The following USP14 variants were observed in gnomAD, a reference collection of about 807,000 sequenced individuals.
USP14 encodes the protein ubiquitin specific peptidase 14, also known as ubiquitin carboxyl-terminal hydrolase 14.
USP14 carries 38 observed loss-of-function variants against 76.5 expected under a neutral mutation model. That is an observed-to-expected ratio of 0.50 (90% CI 0.38 to 0.65). The LOEUF (loss-of-function observed/expected upper bound fraction) is 0.65, where lower values mean the gene tolerates loss of function less well. Among genes scored for constraint, USP14 ranks in the 30% least tolerant of loss-of-function variants. USP14 has a pLI of 0.00. For synonymous variants in USP14, 192 were observed against 191.7 expected (o/e 1.00, Z -0.01); for missense variants, 467 against 586.5 (o/e 0.80, Z 2.10).
intron 2 of USP14, among the ~76,000 whole-genome samples, 169 bp from the exon 3 acceptor site, chr18:166,618 C>T (rs1909279010): frequency 1.3e-5 from 2 of 152,042 alleles, no homozygotes; most frequent in East Asian, 3.9e-4. Context: ...CAGGCGTGAG[C>T]CACTGTGCCT....
At position 199,291 on chromosome 18, in the gene USP14, A is replaced by T; in HGVS notation, c.851A>T (p.Lys284Met). The change falls in exon 10 of 16, where the codon AAG (lysine) becomes ATG (methionine). Residue 284 changes from lysine (K) to methionine (M), a missense_variant. Coordinates refer to ENST00000261601, the MANE Select transcript of USP14 (RefSeq NM_005151.4). Reference sequence around the variant, plus strand: ...AGCTGTTTTATCAATCAGGAAGTCAAGTATCTTTTTACAGGACTTAAATTG... The same window carrying T: ...AGCTGTTTTATCAATCAGGAAGTCATGTATCTTTTTACAGGACTTAAATTG... Reference protein sequence around the residue: ...QLSCFINQEVKYLFTGLKLRL... With the variant: ...QLSCFINQEVMYLFTGLKLRL... 6.2e-7 allele frequency: 1 copy of T among 1,613,442 alleles called. No individual in the cohort carries two copies. The highest frequency in any genetic ancestry group is 8.5e-7 in the Non-Finnish European group (1 of 1,179,474).
intron 2 of USP14, among the ~76,000 whole-genome samples, chr18:164,477 C>T (rs959686804): frequency 6.6e-6 from 1 of 150,680 alleles, no homozygotes; most frequent in African/African-American, 2.4e-5. Flanking sequence ...TTTTTTGAGA[C>T]GAGTCTTGCC....
intron 2 of USP14, among the ~76,000 whole-genome samples, chr18:163,726 A>G (rs1238154160): frequency 6.6e-6 from 1 of 151,950 alleles, no homozygotes; most frequent in Non-Finnish European, 1.5e-5. Flanking sequence ...TGAGATACAT[A>G]TGCAGGTTTG....
chr18:173,229 T>A (rs1405355319), intron 3 of USP14, among the ~76,000 whole-genome samples: 1 of 150,158 alleles, frequency 6.7e-6, no homozygotes, highest in Non-Finnish European at 1.5e-5. Context: ...TGCCTCAGCC[T>A]CCCGAGTAGC....
At chr18:206,478 C>T (rs1303080116) in intron 13 of USP14, among the ~76,000 whole-genome samples, 2 of 152,120 alleles carry the variant, frequency 1.3e-5, no homozygotes, top group African/African-American at 2.4e-5. Flanking sequence ...ATATTTTCTC[C>T]TAGTCTGTAG....
intron 3 of USP14, among the ~76,000 whole-genome samples, chr18:170,290 C>T (rs745356186): frequency 1.7e-4 from 26 of 152,078 alleles, no homozygotes; most frequent in East Asian, 5.8e-4. Context: ...GCCAACAGAG[C>T]GAGACTCTGT....
At chr18:168,014 T>G (rs1464633305) in intron 3 of USP14, among the ~76,000 whole-genome samples, 2 of 149,342 alleles carry the variant, frequency 1.3e-5, no homozygotes, top group Non-Finnish European at 1.5e-5. Flanking sequence ...CTCGGCTCGC[T>G]GCAACCTCTG....
At chr18:206,623 G>T (rs1910535534) in intron 13 of USP14, among the ~76,000 whole-genome samples, 1 of 152,206 alleles carries the variant, frequency 6.6e-6, no homozygotes, top group South Asian at 2.1e-4. Context: ...TGCCGGGCTC[G>T]GCATGGTGGC....
rs115299702 is a variant in USP14 at position 189,106 on chromosome 18, T to G, written c.405-3736T>G. On this transcript the variant is annotated intron_variant, in intron 5 of 15. Coordinates refer to ENST00000261601, the MANE Select transcript of USP14 (RefSeq NM_005151.4). ...TTATTCTACTATTGGACCTGTATGG[T>G]TTTTTTTTTGTATTTTTATTTCTTA... Among the ~76,000 whole-genome samples, 718 of 149,164 alleles carry G rather than the reference T, an allele frequency of 4.8e-3. 2 individuals are homozygous for G. The highest frequency in any genetic ancestry group is 0.016 in the African/African-American group (671 of 40,788).
chr18:199,106 C>G, intron 9 of USP14, 96 bp from the exon 10 acceptor site: 1 of 719,082 alleles, frequency 1.4e-6, no homozygotes, highest in Non-Finnish European at 2.3e-6. Flanking sequence ...ATGAATGATA[C>G]TATTAATTTT....
rs1454502912 is a variant in USP14 at position 212,805 on chromosome 18, T to C, written c.*1521T>C. ...CATAGAATACCAGCCAGTTTGGCTC[T>C]GATTTTGAGTTATTTATAATAAAGT... On this transcript the variant is annotated 3_prime_UTR_variant, in exon 16 of 16. Transcript: ENST00000261601. The C allele has an allele frequency of 6.6e-6, 1 of 152,244 alleles. No homozygotes were observed. The highest frequency in any genetic ancestry group is 6.5e-5 in the Admixed American group (1 of 15,286). 9.4% of individuals were successfully genotyped at this position (152,244 alleles called of 1,614,324 possible).
chr18:191,277 G>C (rs1055599617), intron 5 of USP14, among the ~76,000 whole-genome samples: 2 of 152,080 alleles, frequency 1.3e-5, no homozygotes, highest in Non-Finnish European at 2.9e-5. Flanking sequence ...AAGAAAATTC[G>C]TTGAGTCACA....
chr18:199,455 C>CA, intron 10 of USP14, 139 bp downstream of exon 10: 1 of 587,368 alleles, frequency 1.7e-6, no homozygotes, highest in Non-Finnish European at 3.0e-6. Flanking sequence ...CCGATACACA[C>CA]AGTCCCATCT....
Position 210,006 on chromosome 18 carries a change from G to T in USP14, c.1200G>T (p.Lys400Asn). ...AGAGTAGTCCCCAGAAAGAAGTTAA[G>T]TATGAACCCTTTTCTTTTGCTGATG... Reference protein sequence around the residue: ...DKKSSPQKEVKYEPFSFADDI... With the variant: ...DKKSSPQKEVNYEPFSFADDI... Residue 400 changes from lysine to asparagine, a missense_variant, in exon 14 of 16, where the codon AAG (lysine) becomes AAT (asparagine). Lys to Asn is a moderately conservative substitution (Grantham distance 94). Coordinates refer to ENST00000261601, the MANE Select transcript of USP14 (RefSeq NM_005151.4). 2 of 1,607,022 alleles carry T rather than the reference G, an allele frequency of 1.2e-6. No individual in the cohort carries two copies. The highest frequency in any genetic ancestry group is 1.7e-6 in the Non-Finnish European group (2 of 1,177,508).
chr18:189,933 A>T (rs1429769024), intron 5 of USP14, among the ~76,000 whole-genome samples: 1 of 152,200 alleles, frequency 6.6e-6, no homozygotes, highest in African/African-American at 2.4e-5. Flanking sequence ...GATCTTAATC[A>T]CTAACACCGT....
chr18:173,161 T>G (rs1157376414), intron 3 of USP14, among the ~76,000 whole-genome samples: 3 of 151,362 alleles, frequency 2.0e-5, no homozygotes, highest in Non-Finnish European at 4.4e-5. Flanking sequence ...CAGGCTGGAG[T>G]GCAGTGGCAC....
chr18:185,632 T>C (rs1005677673), intron 5 of USP14, among the ~76,000 whole-genome samples: 4 of 152,148 alleles, frequency 2.6e-5, no homozygotes, highest in African/African-American at 9.7e-5. Flanking sequence ...CTTACACTAC[T>C]TAAATTATTT....
chr18:166,174 A>C (rs1598262674), intron 2 of USP14, among the ~76,000 whole-genome samples: 2 of 152,272 alleles, frequency 1.3e-5, no homozygotes. Context: ...TCATTAGTCA[A>C]GTGTTTTTTA....
intron 6 of USP14, 56 bp downstream of exon 6, chr18:192,956 T>G: frequency 6.8e-7 from 1 of 1,464,152 alleles, no homozygotes; most frequent in Non-Finnish European, 9.4e-7. Context: ...TATTTTTCGC[T>G]CACAATCCTT....
Sources: allele counts gnomAD v4.1 joint callset (sites outside exome capture counted in the v4.1 genomes callset), GRCh38; gene constraint gnomAD v4.1.1; transcripts MANE v1.5; gene names NCBI Gene and HGNC (gene_info 2026-07-23, HGNC 2026-07-21).